The following GSE1 variants were observed in gnomAD, a reference collection of about 807,000 sequenced individuals.
GSE1 encodes the protein Gse1 coiled-coil protein.
A neutral mutation model predicts 112.6 loss-of-function variants in GSE1; 32 were observed. The observed-to-expected ratio is 0.28, with a 90% CI of 0.21 to 0.38. GSE1 has a LOEUF of 0.38. Ranked by LOEUF, GSE1 falls within the 10% of genes least tolerant of loss-of-function variation. GSE1 has a pLI of 1.00. For synonymous variants in GSE1, 1,115 were observed against 735.6 expected (o/e 1.52, Z -8.35); for missense variants, 2,348 against 1,699.2 (o/e 1.38, Z -6.71).
chr16:85,579,037 G>A (rs1484016683), intron 1 of GSE1, among the ~76,000 whole-genome samples: 1 of 152,204 alleles, frequency 6.6e-6, no homozygotes, highest in African/African-American at 2.4e-5. Context: ...ACACCTCTCT[G>A]CAGGTCAAAA....
At chr16:85,274,516 C>T (rs1221050060) in intron 1 of GSE1, among the ~76,000 whole-genome samples, 7 of 152,240 alleles carry the variant, frequency 4.6e-5, no homozygotes, top group African/African-American at 1.7e-4. Flanking sequence ...AGTGGCTGTG[C>T]ACTTTGCTAC....
chr16:85,275,963 C>T (rs1364231296), intron 1 of GSE1, among the ~76,000 whole-genome samples: 1 of 152,246 alleles, frequency 6.6e-6, no homozygotes, highest in African/African-American at 2.4e-5. Context: ...AGAGGGGGTG[C>T]TTTCTATGTC....
At chr16:85,644,507 G>A (rs767206563) in intron 2 of GSE1, among the ~76,000 whole-genome samples, 1 of 152,184 alleles carries the variant, frequency 6.6e-6, no homozygotes, top group Non-Finnish European at 1.5e-5. Context: ...ATTCTCTTAG[G>A]TGCTGCAATG....
intron 2 of GSE1, among the ~76,000 whole-genome samples, chr16:85,391,844 A>T (rs1309151510): frequency 6.6e-6 from 1 of 152,192 alleles, no homozygotes; most frequent in African/African-American, 2.4e-5. Context: ...ATGGCTCTAT[A>T]GAACCCTGTG....
chr16:85,454,280 G>A (rs528032258), intron 2 of GSE1, among the ~76,000 whole-genome samples: 18 of 152,308 alleles, frequency 1.2e-4, no homozygotes, highest in South Asian at 2.1e-4. Context: ...GAGCTTCTCC[G>A]AGGCTGCCCC....
intron 1 of GSE1, among the ~76,000 whole-genome samples, chr16:85,235,339 C>G (rs771481730): frequency 6.6e-6 from 1 of 151,674 alleles, no homozygotes; most frequent in Non-Finnish European, 1.5e-5. Flanking sequence ...GGGGTTGGTT[C>G]TGGCCCCCTC....
upstream of GSE1, chr16:85,554,807 G>T: frequency 2.3e-6 from 2 of 868,490 alleles, no homozygotes; most frequent in Non-Finnish European, 1.4e-6. Context: ...GGACGGGCGG[G>T]CGGGCGGGCG....
chr16:85,428,515 C>T (rs564434680), intron 2 of GSE1, among the ~76,000 whole-genome samples: 9 of 152,338 alleles, frequency 5.9e-5, no homozygotes, highest in Non-Finnish European at 1.0e-4. Context: ...GAGGCAGTGA[C>T]GTAGCGCTTG....
chr16:85,615,524 G>T, intron 1 of GSE1, among the ~76,000 whole-genome samples: 1 of 152,038 alleles, frequency 6.6e-6, no homozygotes, highest in African/African-American at 2.4e-5. Flanking sequence ...TTCTTTCCTG[G>T]AGCCTTGGGG....
Position 85,652,169 on chromosome 16 carries a change from C to T in GSE1, c.427-2109C>T, listed in dbSNP as rs796821952. Among the ~76,000 whole-genome samples, 120 of 152,322 alleles carry T rather than the reference C, an allele frequency of 7.9e-4. 1 individual carries two copies. The highest frequency in any genetic ancestry group is 1.9e-3 in the African/African-American group (77 of 41,566). ...CAACTCTGCTGCCCTGTGAGTCCCC[C>T]GCATGCCCGTTCATAGCCGTGCCAT... On this transcript the variant is annotated intron_variant, in intron 3 of 15. Coordinates refer to ENST00000253458, the MANE Select transcript of GSE1 (RefSeq NM_014615.5).
At chr16:85,259,505 A>C (rs1210282807) in intron 1 of GSE1, among the ~76,000 whole-genome samples, 1 of 152,154 alleles carries the variant, frequency 6.6e-6, no homozygotes, top group Non-Finnish European at 1.5e-5. Flanking sequence ...GGAGGCCCTC[A>C]CGGCCGGCTT....
At chr16:85,647,865 G>C (rs2051012029) in intron 2 of GSE1, among the ~76,000 whole-genome samples, 2 of 152,136 alleles carry the variant, frequency 1.3e-5, no homozygotes, top group Non-Finnish European at 2.9e-5. Context: ...GATTACAGGC[G>C]GGAGCCACCG....
intron 2 of GSE1, among the ~76,000 whole-genome samples, chr16:85,396,329 A>G (rs1449121390): frequency 6.6e-6 from 1 of 152,198 alleles, no homozygotes; most frequent in Non-Finnish European, 1.5e-5. Flanking sequence ...GAGAGACAGG[A>G]AATATTAGGC....
At chr16:85,409,130 C>T (rs71389123) in intron 2 of GSE1, among the ~76,000 whole-genome samples, 137 of 622 alleles carry the variant, frequency 0.22, 66 homozygotes, top group African/African-American at 0.69. Context: ...TAATCCTCAC[C>T]GTTACACTCA....
At chr16:85,660,073 T>G (rs2052304884) in intron 8 of GSE1, among the ~76,000 whole-genome samples, 1 of 152,182 alleles carries the variant, frequency 6.6e-6, no homozygotes, top group Non-Finnish European at 1.5e-5. Flanking sequence ...TACTGCCCTG[T>G]GAAGGTGGCC....
At chr16:85,330,305 C>G (rs573569219) in intron 1 of GSE1, among the ~76,000 whole-genome samples, 1 of 152,122 alleles carries the variant, frequency 6.6e-6, no homozygotes, top group Admixed American at 6.5e-5. Context: ...GGTGACAGAC[C>G]GAGGAGCTGG....
intron 1 of GSE1, among the ~76,000 whole-genome samples, chr16:85,302,474 C>T (rs966891798): frequency 6.6e-6 from 1 of 151,618 alleles, no homozygotes; most frequent in Non-Finnish European, 1.5e-5. Context: ...ACACACACAC[C>T]GATAGTACTG....
intron 2 of GSE1, chr16:85,490,863 T>C (rs1254998809): frequency 3.9e-5 from 6 of 152,262 alleles, no homozygotes; most frequent in Non-Finnish European, 8.8e-5. Flanking sequence ...AGTAAATCAA[T>C]TTGAATTGAG....
chr16:85,312,821 C>T (rs974909207), intron 1 of GSE1, among the ~76,000 whole-genome samples: 4 of 151,916 alleles, frequency 2.6e-5, no homozygotes, highest in African/African-American at 9.7e-5. Context: ...CTCGTCCACC[C>T]AGGTTGACAC....
Sources: allele counts gnomAD v4.1 joint callset (sites outside exome capture counted in the v4.1 genomes callset), GRCh38; gene constraint gnomAD v4.1.1; transcripts MANE v1.5; gene names NCBI Gene and HGNC (gene_info 2026-07-23, HGNC 2026-07-21).